Variants in SULT1E1 observed in about 807,000 individuals in gnomAD.
SULT1E1 encodes the protein sulfotransferase 1E1.
SULT1E1 carries 36 observed loss-of-function variants against 33.6 expected under a neutral mutation model. The observed-to-expected ratio is 1.07, with a 90% CI of 0.82 to 1.41. The LOEUF is 1.41. Among genes scored for constraint, SULT1E1 ranks in the 40% most tolerant of loss-of-function variants. SULT1E1 has a pLI of 0.00. For synonymous variants in SULT1E1, 121 were observed against 111.7 expected (o/e 1.08, Z -0.53); for missense variants, 371 against 345.7 (o/e 1.07, Z -0.58).
At chr4:69,824,208 G>C in the SULT1E1 span, among the ~76,000 whole-genome samples, 2 of 152,148 alleles carry the variant, frequency 1.3e-5, no homozygotes, top group Non-Finnish European at 2.9e-5. Context: ...AGCTTCCTGT[G>C]CCAGCAGAGC....
rs544823481 is a variant in SULT1E1, at chr4:69,849,696, T to G, written c.370-133A>C. 9.2e-6 allele frequency: 7 copies of G among 759,996 alleles called. No homozygotes were observed. The East Asian group carries it at 2.2e-4, about 23-fold the overall frequency. 47.1% of individuals were successfully genotyped at this position (759,996 alleles called of 1,614,324 possible). A position where few individuals can be genotyped will look rare whatever the true frequency, so the allele number is the denominator to read the frequency against. ...TTAATTTTACAAAATGCATAAGACA[T>G]GTACAATTATTTATAAAGACATCTT... On this transcript the variant is annotated intron_variant, in intron 4 of 7. Coordinates refer to ENST00000226444, the MANE Select transcript of SULT1E1 (RefSeq NM_005420.3).
At chr4:69,855,066 C>T (rs1721208001) in intron 3 of SULT1E1, among the ~76,000 whole-genome samples, 1 of 151,900 alleles carries the variant, frequency 6.6e-6, no homozygotes, top group Admixed American at 6.6e-5. Flanking sequence ...TATTACTAAA[C>T]TCTGCTGAAG....
downstream of SULT1E1, among the ~76,000 whole-genome samples, chr4:69,839,598 G>A (rs1019896364): frequency 1.3e-5 from 2 of 152,104 alleles, no homozygotes; most frequent in Non-Finnish European, 2.9e-5. Flanking sequence ...TTGTTCTAGA[G>A]ATATAATTAT....
chr4:69,831,257 C>G, the SULT1E1 span, among the ~76,000 whole-genome samples: 1 of 152,108 alleles, frequency 6.6e-6, no homozygotes, highest in South Asian at 2.1e-4. Context: ...CTTGCCTTTC[C>G]TGTAGCTTTT....
the SULT1E1 span, among the ~76,000 whole-genome samples, chr4:69,823,911 G>C: frequency 6.6e-6 from 1 of 152,008 alleles, no homozygotes; most frequent in Non-Finnish European, 1.5e-5. Flanking sequence ...TTCAATGTCC[G>C]GGTCCCTGAG....
chr4:69,835,302 ATTGT>A, the SULT1E1 span, among the ~76,000 whole-genome samples: 5 of 152,180 alleles, frequency 3.3e-5, no homozygotes, highest in Admixed American at 6.5e-5. Flanking sequence ...ATTAGAGTTG[ATTGT>A]TTAATTTATG....
At chr4:69,834,302 G>C in the SULT1E1 span, among the ~76,000 whole-genome samples, 1 of 152,054 alleles carries the variant, frequency 6.6e-6, no homozygotes, top group Non-Finnish European at 1.5e-5. Context: ...ATTCATCATT[G>C]TATCCATACC....
the SULT1E1 span, among the ~76,000 whole-genome samples, chr4:69,829,293 C>T: frequency 6.6e-6 from 1 of 152,098 alleles, no homozygotes; most frequent in Non-Finnish European, 1.5e-5. Context: ...GACTATGATT[C>T]TATGCTTATG....
At chr4:69,857,210 T>A (rs972843372) in intron 2 of SULT1E1, among the ~76,000 whole-genome samples, 2 of 152,082 alleles carry the variant, frequency 1.3e-5, no homozygotes, top group African/African-American at 4.8e-5. Context: ...TGACATAAGG[T>A]AAACAGTTGG....
In SULT1E1 at chr4:69,841,998, A is replaced by G. The variant is rs1720894192; in HGVS notation, c.881T>C (p.Ile294Thr). Residue 294 changes from isoleucine (I) to threonine (T), a missense_variant, in exon 8 of 8, where the codon ATC becomes ACC. Transcript: ENST00000226444. Reference sequence around the variant, plus strand: ...GTTAAGTAAAGAAAGACCTTCTTAGATCTCAGTTCGAAACTTCAGTGTAGA... The same window carrying G: ...GTTAAGTAAAGAAAGACCTTCTTAGGTCTCAGTTCGAAACTTCAGTGTAGA... ...KESTLKFRTE[I>T] 1.3e-6 allele frequency: 2 copies of G among 1,570,412 alleles called. No individual in the cohort carries two copies. The highest frequency in any genetic ancestry group is 2.7e-5 in the African/African-American group (2 of 73,742).
At chr4:69,831,647 G>A in the SULT1E1 span, among the ~76,000 whole-genome samples, 1 of 152,132 alleles carries the variant, frequency 6.6e-6, no homozygotes, top group Non-Finnish European at 1.5e-5. Flanking sequence ...TTCAACAACT[G>A]TCCCCACATT....
chr4:69,830,658 T>C, the SULT1E1 span, among the ~76,000 whole-genome samples: 1 of 152,212 alleles, frequency 6.6e-6, no homozygotes, highest in African/African-American at 2.4e-5. Flanking sequence ...CGCATATGCC[T>C]GGGCATTAAC....
intron 6 of SULT1E1, 101 bp from the exon 7 acceptor site, chr4:69,844,442 T>C: frequency 1.2e-6 from 1 of 835,436 alleles, no homozygotes; most frequent in Non-Finnish European, 1.8e-6. Context: ...CTCCTACTGA[T>C]ATTAGAATTA....
At chr4:69,824,793 G>A in the SULT1E1 span, among the ~76,000 whole-genome samples, 8 of 152,042 alleles carry the variant, frequency 5.3e-5, no homozygotes, top group African/African-American at 9.7e-5. Flanking sequence ...ATCAGTGCTC[G>A]GTAAAATGAA....
chr4:69,857,719 T>C (rs1234264292), intron 1 of SULT1E1, 66 bp from the exon 2 acceptor site: 2 of 1,459,798 alleles, frequency 1.4e-6, no homozygotes, highest in Non-Finnish European at 1.8e-6. Flanking sequence ...AACAACTATG[T>C]ATATAACGGG....
At position 69,841,783 on chromosome 4, in the gene SULT1E1, A is replaced by C. The variant is rs1720890344; in HGVS notation, c.*211T>G. 5 of 388,056 alleles carry C rather than the reference A, an allele frequency of 1.3e-5. No homozygotes were observed. The Admixed American group carries it at 2.3e-4, about 18-fold the overall frequency. 24.0% of individuals were successfully genotyped at this position (388,056 alleles called of 1,614,324 possible). A position where few individuals can be genotyped will look rare whatever the true frequency, so the allele number is the denominator to read the frequency against. Reference sequence around the variant, plus strand: ...TTGAGTCAAGGAGGTCAAGGCTGCAATCAGCCATGATTGTGCCACTGTCCT... The same window carrying C: ...TTGAGTCAAGGAGGTCAAGGCTGCACTCAGCCATGATTGTGCCACTGTCCT... On this transcript the variant is annotated 3_prime_UTR_variant, in exon 8 of 8. Coordinates refer to ENST00000226444, the MANE Select transcript of SULT1E1 (RefSeq NM_005420.3).
At chr4:69,853,332 G>A (rs971174625) in intron 4 of SULT1E1, among the ~76,000 whole-genome samples, 1 of 152,054 alleles carries the variant, frequency 6.6e-6, no homozygotes, top group Non-Finnish European at 1.5e-5. Context: ...AGCTTAATAT[G>A]TCTATTACTC....
intron 5 of SULT1E1, among the ~76,000 whole-genome samples, chr4:69,848,856 A>G (rs539137564): frequency 2.8e-4 from 43 of 152,084 alleles, no homozygotes; most frequent in Non-Finnish European, 5.5e-4. Flanking sequence ...ACTTTAGTAA[A>G]AGTGTTTAAT....
At chr4:69,837,384 T>G (rs915206453), downstream of SULT1E1, among the ~76,000 whole-genome samples, 2 of 151,906 alleles carry the variant, frequency 1.3e-5, no homozygotes, top group African/African-American at 4.8e-5. Context: ...ATTATTATTC[T>G]TATTAAGGTT....
Sources: gnomAD v4.1 joint callset for allele counts (sites outside exome capture counted in the v4.1 genomes callset) on GRCh38, gnomAD v4.1.1 for gene constraint, MANE v1.5 for transcripts, NCBI Gene and HGNC (gene_info 2026-07-23, HGNC 2026-07-21) for gene names.